The following MAPK6 variants were observed in gnomAD, a reference collection of about 807,000 sequenced individuals.
MAPK6 encodes ERK-3.
MAPK6 carries 19 observed loss-of-function variants against 59.3 expected under a neutral mutation model. That is an observed-to-expected ratio of 0.32 (90% confidence interval 0.22 to 0.47). The LOEUF is 0.47. Among genes scored for constraint, MAPK6 ranks in the 20% least tolerant of loss-of-function variants. MAPK6 has a pLI of 1.00. For synonymous variants in MAPK6, 316 were observed against 290.3 expected (o/e 1.09, Z -0.90); for missense variants, 724 against 847.9 (o/e 0.85, Z 1.81).
intron 1 of MAPK6, among the ~76,000 whole-genome samples, chr15:51,972,277 G>T (rs2057133319): frequency 6.6e-6 from 1 of 151,984 alleles, no homozygotes; most frequent in Admixed American, 6.5e-5. Context: ...TAGCTGGGAC[G>T]ACAGGCGCCC....
At chr15:52,037,992 C>T (rs76279967) in intron 1 of MAPK6, among the ~76,000 whole-genome samples, 1 of 152,012 alleles carries the variant, frequency 6.6e-6, no homozygotes, top group African/African-American at 2.4e-5. Flanking sequence ...AGTAGAGGTT[C>T]TGAAGAATCA....
chr15:52,030,053 G>C (rs1290884462), intron 1 of MAPK6, among the ~76,000 whole-genome samples: 1 of 152,298 alleles, frequency 6.6e-6, no homozygotes, highest in Non-Finnish European at 1.5e-5. Flanking sequence ...GCCCTTTGCT[G>C]TGGATGCTGT....
intron 2 of MAPK6, among the ~76,000 whole-genome samples, chr15:52,048,292 G>A (rs1254600970): frequency 6.6e-6 from 1 of 152,040 alleles, no homozygotes; most frequent in Non-Finnish European, 1.5e-5. Flanking sequence ...TGGGATTACA[G>A]GCGCCCGCCA....
intron 3 of MAPK6, among the ~76,000 whole-genome samples, chr15:52,009,039 C>A (rs1011878808): frequency 1.1e-4 from 17 of 152,124 alleles, no homozygotes; most frequent in African/African-American, 4.1e-4. Context: ...ATGGAGCACT[C>A]AGAATGACCA....
At chr15:52,026,790 G>A (rs1055295674) in intron 1 of MAPK6, among the ~76,000 whole-genome samples, 3 of 151,984 alleles carry the variant, frequency 2.0e-5, no homozygotes, top group Non-Finnish European at 4.4e-5. Context: ...GATGGCTCAT[G>A]CCTGTAATCT....
At position 52,066,792 on chromosome 15, in the gene MAPK6, G is replaced by GTGTGTGTGTGTGTGTGTGTGTGTA. The variant is rs1043704165; in HGVS notation, c.*1793_*1794insGTGTGTGTGTGTGTGTGTGTGTAT. On this transcript the variant is annotated 3_prime_UTR_variant, in exon 6 of 6. Transcript: ENST00000261845. Reference sequence around the variant, plus strand: ...TGTGTGTGTGTGTGTGTGTGTGTGTGTATATATATTCATTTATTTATTTTC... The same window carrying GTGTGTGTGTGTGTGTGTGTGTGTA: ...TGTGTGTGTGTGTGTGTGTGTGTGTGTGTGTGTGTGTGTGTGTGTGTGTATATATATATTCATTTATTTATTTTC... The GTGTGTGTGTGTGTGTGTGTGTGTA allele has an allele frequency of 1.5e-4, 22 of 144,162 alleles. No homozygotes were observed. The highest frequency in any genetic ancestry group is 2.3e-4 in the Non-Finnish European group (15 of 65,924). The allele number at this position is 144,162 out of a possible 1,614,324, so 8.9% of individuals were successfully genotyped here. A position where few individuals can be genotyped will look rare whatever the true frequency, so the allele number is the denominator to read the frequency against.
At chr15:52,053,733 G>A (rs1307148053) in intron 3 of MAPK6, among the ~76,000 whole-genome samples, 2 of 151,760 alleles carry the variant, frequency 1.3e-5, no homozygotes, top group East Asian at 2.0e-4. Context: ...TCTCCCTCCT[G>A]GGTTCAAGCA....
intron 1 of MAPK6, among the ~76,000 whole-genome samples, chr15:51,978,744 TTG>T (rs1055105227): frequency 6.6e-6 from 1 of 151,608 alleles, no homozygotes. Context: ...GAAAAAGGGA[TTG>T]TGGACTAGAA....
intron 2 of MAPK6, among the ~76,000 whole-genome samples, chr15:51,988,803 A>G (rs1481581130): frequency 1.3e-5 from 2 of 151,978 alleles, no homozygotes; most frequent in Non-Finnish European, 2.9e-5. Context: ...TCTAGAGACC[A>G]GAAGTTAGTT....
At chr15:52,006,309 G>A (rs994030094) in intron 3 of MAPK6, among the ~76,000 whole-genome samples, 6 of 152,086 alleles carry the variant, frequency 3.9e-5, no homozygotes, top group African/African-American at 4.8e-5. Context: ...CCTGGAAACC[G>A]TAAAAAAGAG....
At chr15:52,044,224 T>C (rs962209934) in intron 1 of MAPK6, among the ~76,000 whole-genome samples, 2 of 152,068 alleles carry the variant, frequency 1.3e-5, no homozygotes, top group African/African-American at 4.8e-5. Flanking sequence ...AGAGAAAAAC[T>C]TGTAGACAGG....
chr15:52,054,609 T>G (rs1339773386), intron 3 of MAPK6, among the ~76,000 whole-genome samples: 1 of 152,084 alleles, frequency 6.6e-6, no homozygotes, highest in Non-Finnish European at 1.5e-5. Flanking sequence ...TCATGGTCAA[T>G]GGGAGCGGAG....
Position 52,030,713 on chromosome 15 carries a change from G to A in MAPK6, c.-632+11337G>A, listed in dbSNP as rs549204137. 1.4e-3 allele frequency among the ~76,000 whole-genome samples: 184 copies of A among 135,008 alleles called. No individual in the cohort carries two copies. In the South Asian group the frequency reaches 0.019, roughly 14 times the overall value. 88.6% of individuals were successfully genotyped at this position (135,008 alleles called of 152,430 possible). Reference sequence around the variant, plus strand: ...GCAATCTTGGCTCAGTGCAACCTGCGCTTCCCAGGTTCAAGGGATTCTCCT... The same window carrying A: ...GCAATCTTGGCTCAGTGCAACCTGCACTTCCCAGGTTCAAGGGATTCTCCT... On this transcript the variant is annotated intron_variant, in intron 1 of 5. Coordinates refer to ENST00000261845, the MANE Select transcript of MAPK6 (RefSeq NM_002748.4).
At chr15:52,013,700 A>G (rs1192998465) in intron 3 of MAPK6, among the ~76,000 whole-genome samples, 2 of 152,172 alleles carry the variant, frequency 1.3e-5, no homozygotes, top group African/African-American at 2.4e-5. Flanking sequence ...GTTACTTGCA[A>G]CAGAAACAAT....
At chr15:51,998,177 C>T (rs1051893407) in intron 2 of MAPK6, among the ~76,000 whole-genome samples, 6 of 151,800 alleles carry the variant, frequency 4.0e-5, no homozygotes, top group Admixed American at 1.3e-4. Context: ...CGCCTGACCT[C>T]GTAATCCACC....
chr15:52,061,182 G>C, intron 4 of MAPK6, 117 bp from the exon 5 acceptor site: 1 of 739,494 alleles, frequency 1.4e-6, no homozygotes, highest in Non-Finnish European at 2.4e-6. Flanking sequence ...CTGTTGTGTA[G>C]TATGTAGTGC....
chr15:52,012,205 T>G (rs1319125496), intron 3 of MAPK6, among the ~76,000 whole-genome samples: 1 of 152,260 alleles, frequency 6.6e-6, no homozygotes, highest in East Asian at 1.9e-4. Context: ...TTCTGCAGGT[T>G]AATCAGACCC....
intron 3 of MAPK6, among the ~76,000 whole-genome samples, chr15:52,007,874 T>A (rs1324478017): frequency 6.8e-6 from 1 of 146,150 alleles, no homozygotes; most frequent in Non-Finnish European, 1.5e-5. Context: ...TGAGACGGAG[T>A]TCCACTCCGT....
At chr15:52,022,715 T>C (rs1418283219) in intron 1 of MAPK6, among the ~76,000 whole-genome samples, 4 of 151,882 alleles carry the variant, frequency 2.6e-5, no homozygotes, top group African/African-American at 9.7e-5. Flanking sequence ...AATATAAAAG[T>C]ATTGAAAATT....
Sources: allele counts gnomAD v4.1 joint callset (sites outside exome capture counted in the v4.1 genomes callset), GRCh38; gene constraint gnomAD v4.1.1; transcripts MANE v1.5; gene names NCBI Gene and HGNC (gene_info 2026-07-23, HGNC 2026-07-21).